The following KCNIP1 variants were observed in gnomAD, a reference collection of about 807,000 sequenced individuals.
KCNIP1 encodes the protein A-type potassium channel modulatory protein KCNIP1.
In KCNIP1, 18 loss-of-function variants were observed where a neutral mutation model predicts 33.0. That is an observed-to-expected ratio of 0.55 (90% CI 0.38 to 0.81). The LOEUF is 0.81. Among genes scored for constraint, KCNIP1 ranks in the 30% least tolerant of loss-of-function variants. The pLI, the probability that KCNIP1 is intolerant of heterozygous loss-of-function variation, is 0.00. For synonymous variants in KCNIP1, 93 were observed against 98.3 expected (o/e 0.95, Z 0.32); for missense variants, 238 against 271.6 (o/e 0.88, Z 0.87).
At chr5:170,490,581 T>C (rs757814974) in intron 1 of KCNIP1, among the ~76,000 whole-genome samples, 4 of 152,202 alleles carry the variant, frequency 2.6e-5, no homozygotes, top group Non-Finnish European at 5.9e-5. Context: ...TTCCCTAAGA[T>C]GTTACCACTG....
chr5:170,731,214 A>T (rs1764182144), intron 5 of KCNIP1, among the ~76,000 whole-genome samples: 2 of 152,220 alleles, frequency 1.3e-5, no homozygotes, highest in Admixed American at 1.3e-4. Context: ...GTAATAAGAC[A>T]TCTCAACACT....
chr5:170,354,652 A>G (rs568432186), intron 1 of KCNIP1, among the ~76,000 whole-genome samples: 1 of 152,300 alleles, frequency 6.6e-6, no homozygotes, highest in African/African-American at 2.4e-5. Flanking sequence ...AAGTGTGGCT[A>G]TGGACCAGAA....
chr5:170,634,663 A>G (rs993148913), intron 1 of KCNIP1, among the ~76,000 whole-genome samples: 1 of 152,244 alleles, frequency 6.6e-6, no homozygotes, highest in African/African-American at 2.4e-5. Flanking sequence ...AGGCTCTTCA[A>G]TGGTAAGAGG....
At chr5:170,576,521 C>T (rs1757609891) in intron 1 of KCNIP1, among the ~76,000 whole-genome samples, 1 of 152,160 alleles carries the variant, frequency 6.6e-6, no homozygotes. Flanking sequence ...GATATTGTTG[C>T]AAGCATCTTT....
chr5:170,481,390 ACTC>A (rs200528053), intron 1 of KCNIP1, among the ~76,000 whole-genome samples: 5 of 147,460 alleles, frequency 3.4e-5, no homozygotes, highest in Non-Finnish European at 6.1e-5. Context: ...CATTAGTACT[ACTC>A]CTGCTGCTGC....
intron 4 of KCNIP1, 119 bp downstream of exon 4, chr5:170,722,022 A>T (rs754307579): frequency 8.4e-7 from 1 of 1,183,620 alleles, no homozygotes; most frequent in Non-Finnish European, 1.2e-6. Flanking sequence ...GACCAAAGAC[A>T]TGTTTATCCA....
chr5:170,714,008 G>C lies in KCNIP1; in HGVS notation c.62-4750G>C, dbSNP rs532272292. Among the ~76,000 whole-genome samples, 342 of 149,600 alleles carry C rather than the reference G, an allele frequency of 2.3e-3. 2 individuals carry two copies. The highest frequency in any genetic ancestry group is 7.8e-3 in the African/African-American group (318 of 40,604). The stretch of plus-strand genomic sequence containing the variant: ...CATTGCACTCCAGCTTGGGCAACAA[G>C]AGCAAAAATCCATCTTAAAAAAAAA... On this transcript the variant is annotated intron_variant, in intron 1 of 7. Coordinates refer to ENST00000328939, the MANE Select transcript of KCNIP1 (RefSeq NM_014592.4).
rs1426823755 is a variant in KCNIP1, at chr5:170,676,175, AG to A, written c.62-42581del. ...GGGGAGGTAGGGAGGGAAAGAAGGA[AG>A]GAAAGGAAAGGAAAGGAAAGGAAAG... is the stretch of plus-strand genomic sequence containing the variant. On this transcript the variant is annotated intron_variant, in intron 1 of 7. Transcript: ENST00000328939. 2.5e-3 allele frequency among the ~76,000 whole-genome samples: 114 copies of A among 46,512 alleles called. 1 individual carries two copies. Among genetic ancestry groups the A allele is most frequent in the African/African-American group, 8.1e-3 (108 of 13,362 alleles). The allele number at this position is 46,512 out of a possible 152,430, so 30.5% of individuals were successfully genotyped here. A position where few individuals can be genotyped will look rare whatever the true frequency, so the allele number is the denominator to read the frequency against.
intron 1 of KCNIP1, among the ~76,000 whole-genome samples, chr5:170,705,201 C>G (rs1243874886): frequency 6.6e-6 from 1 of 152,168 alleles, no homozygotes; most frequent in Non-Finnish European, 1.5e-5. Flanking sequence ...AGCTGAATAA[C>G]TTCATTAATA....
At chr5:170,707,421 G>C (rs1250057697) in intron 1 of KCNIP1, among the ~76,000 whole-genome samples, 1 of 152,178 alleles carries the variant, frequency 6.6e-6, no homozygotes. Flanking sequence ...CTGGAATCTA[G>C]ATAATTCCTT....
At chr5:170,362,119 T>C (rs1339088582) in intron 1 of KCNIP1, among the ~76,000 whole-genome samples, 4 of 152,238 alleles carry the variant, frequency 2.6e-5, no homozygotes, top group Non-Finnish European at 5.9e-5. Flanking sequence ...CCCAATATTT[T>C]ATTTAGTGCA....
In KCNIP1 at chr5:170,489,091, C is replaced by T. The variant is rs146198135; in HGVS notation, c.88+135127C>T. On this transcript the variant is annotated intron_variant, in intron 1 of 7. Transcript: ENST00000377360. This position sits in a 1 kb window ranked among gnomAD's most constrained non-coding sequence, Gnocchi z 4.3. ...GAGAGGAAGGATGTGCCTTCTCCCC[C>T]GGAGGCCAGAGGGCAGGAGACCAGC... Among the ~76,000 whole-genome samples, 389 of 152,274 alleles carry T rather than the reference C, an allele frequency of 2.6e-3. 1 individual carries two copies. Among genetic ancestry groups the T allele is most frequent in the Non-Finnish European group, 3.5e-3 (241 of 68,030 alleles).
chr5:170,387,773 A>G (rs1161459108), intron 1 of KCNIP1, among the ~76,000 whole-genome samples: 1 of 152,184 alleles, frequency 6.6e-6, no homozygotes, highest in Non-Finnish European at 1.5e-5. Flanking sequence ...CCATGTATTC[A>G]CAGGTAAAGC....
intron 5 of KCNIP1, among the ~76,000 whole-genome samples, chr5:170,723,736 A>G (rs375137980): frequency 6.6e-6 from 1 of 152,196 alleles, no homozygotes; most frequent in East Asian, 1.9e-4. Context: ...TGGACAATAA[A>G]CAGGCCAAAA....
chr5:170,716,051 T>C (rs1016428715), intron 1 of KCNIP1, among the ~76,000 whole-genome samples: 7 of 152,192 alleles, frequency 4.6e-5, no homozygotes, highest in Non-Finnish European at 1.0e-4. Context: ...TAAAGTTTCC[T>C]GTGAATGTGT....
intron 1 of KCNIP1, among the ~76,000 whole-genome samples, chr5:170,538,913 A>G (rs1756094145): frequency 6.6e-6 from 1 of 151,882 alleles, no homozygotes; most frequent in African/African-American, 2.4e-5. Context: ...AGCCTTCTTT[A>G]TGAGATTTTC....
At position 170,565,035 on chromosome 5, in the gene KCNIP1, G is replaced by C. The variant is rs772605120; in HGVS notation, c.61+60402G>C. ...TACTTCCGTACATTTTAATGAAATG[G>C]CTGCGAGACCAGAGCTCTGTGTGTG... On this transcript the variant is annotated intron_variant, in intron 1 of 7. Coordinates refer to ENST00000328939, the MANE Select transcript of KCNIP1 (RefSeq NM_014592.4). Among the ~76,000 whole-genome samples the C allele has an allele frequency of 4.6e-5, 7 of 152,130 alleles. No homozygotes were observed. The East Asian group carries it at 1.2e-3, about 25-fold the overall frequency.
intron 1 of KCNIP1, among the ~76,000 whole-genome samples, chr5:170,654,544 T>C (rs1198612813): frequency 6.6e-6 from 1 of 152,230 alleles, no homozygotes; most frequent in African/African-American, 2.4e-5. Context: ...TGAATATTAA[T>C]GTATTTAATG....
At chr5:170,630,364 T>C (rs1368754604) in intron 1 of KCNIP1, among the ~76,000 whole-genome samples, 1 of 152,232 alleles carries the variant, frequency 6.6e-6, no homozygotes, top group Non-Finnish European at 1.5e-5. Flanking sequence ...TTGTTCCTAC[T>C]GTGTGCCAGT....
Sources: gnomAD v4.1 joint callset for allele counts (sites outside exome capture counted in the v4.1 genomes callset) on GRCh38, gnomAD v4.1.1 for gene constraint, Gnocchi (gnomAD v3.1) non-coding constraint, MANE v1.5 for transcripts, NCBI Gene and HGNC (gene_info 2026-07-23, HGNC 2026-07-21) for gene names.